Variants in PLXNA2 observed in about 807,000 individuals in gnomAD.
The protein encoded by PLXNA2 is plexin-A2.
In PLXNA2, 91 loss-of-function variants were observed where a neutral mutation model predicts 193.5. The observed-to-expected ratio is 0.47, with a 90% CI of 0.40 to 0.56. The LOEUF (loss-of-function observed/expected upper bound fraction) is 0.56, where lower values mean the gene tolerates loss of function less well. PLXNA2 is among the 20% of genes least tolerant of loss of function. The pLI, the probability that PLXNA2 is intolerant of heterozygous loss-of-function variation, is 0.00. For missense variants in PLXNA2, 1,995 were observed against 2,503.2 expected (o/e 0.80, Z 4.33); for synonymous variants, 997 against 1,027.3 (o/e 0.97, Z 0.56).
intron 3 of PLXNA2, among the ~76,000 whole-genome samples, chr1:208,159,573 A>C (rs1417826255): frequency 6.6e-6 from 1 of 152,218 alleles, no homozygotes; most frequent in Non-Finnish European, 1.5e-5. Flanking sequence ...CCAGCCATCC[A>C]AGGGGATTTA....
At chr1:208,144,689 C>T (rs1229349256) in intron 3 of PLXNA2, among the ~76,000 whole-genome samples, 1 of 152,140 alleles carries the variant, frequency 6.6e-6, no homozygotes, top group Non-Finnish European at 1.5e-5. Context: ...CTCTTCTCAC[C>T]CATTCCTGTG....
At chr1:208,084,673 G>T (rs1274033146) in intron 9 of PLXNA2, 93 bp from the exon 10 acceptor site, 9 of 1,219,604 alleles carry the variant, frequency 7.4e-6, no homozygotes, top group Non-Finnish European at 1.1e-5. Flanking sequence ...CAGGTGAGCT[G>T]CCCAAGAGCA....
intron 12 of PLXNA2, among the ~76,000 whole-genome samples, chr1:208,067,922 A>G (rs186804161): frequency 4.2e-4 from 64 of 152,262 alleles, no homozygotes; most frequent in Non-Finnish European, 7.8e-4. Context: ...GTGCTGGTCA[A>G]GCATGTCCAC....
At chr1:208,043,249 G>C in intron 20 of PLXNA2, 46 bp from the exon 21 acceptor site, 1 of 1,595,574 alleles carries the variant, frequency 6.3e-7, no homozygotes, top group Non-Finnish European at 8.6e-7. Context: ...AGCCCCAGTC[G>C]GGGGAGGAGA....
Position 208,039,718 on chromosome 1 carries a change from T to A in PLXNA2, c.4403A>T (p.Gln1468Leu), listed in dbSNP as rs1407954368. The change falls in exon 24 of 32, where the codon CAG (glutamine) becomes CTG (leucine). Residue 1468 changes from glutamine to leucine, a missense_variant. Coordinates refer to ENST00000367033, the MANE Select transcript of PLXNA2 (RefSeq NM_025179.4). Reference sequence around the variant, plus strand: ...GGCATCAATGGGGCCCTTCTCCATCTGCTGCTTGATGGCACAGTATAGCAT... The same window carrying A: ...GGCATCAATGGGGCCCTTCTCCATCAGCTGCTTGATGGCACAGTATAGCAT... ...LFMLYCAIKQQMEKGPIDAIT... is the reference protein window; with the variant it reads ...LFMLYCAIKQLMEKGPIDAIT... The A allele has an allele frequency of 6.2e-7, 1 of 1,614,222 alleles. No individual in the cohort carries two copies. Among genetic ancestry groups the A allele is most frequent in the South Asian group, 1.1e-5 (1 of 91,088 alleles).
chr1:208,201,800 A>T (rs1271289572), intron 3 of PLXNA2, among the ~76,000 whole-genome samples: 1 of 152,168 alleles, frequency 6.6e-6, no homozygotes, highest in African/African-American at 2.4e-5. Context: ...AGTAATATTT[A>T]AATGCACATA....
intron 12 of PLXNA2, among the ~76,000 whole-genome samples, chr1:208,072,993 G>A (rs751475910): frequency 1.3e-5 from 2 of 152,200 alleles, no homozygotes; most frequent in African/African-American, 2.4e-5. Context: ...GTGTGGTGGA[G>A]GAAGTCGGCC....
intron 28 of PLXNA2, 82 bp downstream of exon 28, chr1:208,033,237 C>G: frequency 7.6e-7 from 1 of 1,318,510 alleles, no homozygotes; most frequent in Non-Finnish European, 1.1e-6. Context: ...AGGACACACT[C>G]CAGACATCCT....
At chr1:208,069,142 G>A (rs1315032746) in intron 12 of PLXNA2, among the ~76,000 whole-genome samples, 1 of 152,198 alleles carries the variant, frequency 6.6e-6, no homozygotes, top group Non-Finnish European at 1.5e-5. Context: ...GACTAGGTCA[G>A]CAGGATGTGG....
At position 208,038,775 on chromosome 1, in the gene PLXNA2, T is replaced by G. The variant is rs1302267430; in HGVS notation, c.4660+50A>C. 6.3e-7 allele frequency: 1 copy of G among 1,579,722 alleles called. No individual in the cohort carries two copies. Among genetic ancestry groups the G allele is most frequent in the South Asian group, 1.2e-5 (1 of 86,908 alleles). The stretch of plus-strand genomic sequence containing the variant: ...GGGTTGTGTGCATGGCAGCTTCCCT[T>G]CCTTCACCTCTCAACCCCTGCCCTC... On this transcript the variant is annotated intron_variant, in intron 25 of 31. Transcript: ENST00000367033. The surrounding 1 kb of genome is among the most constrained non-coding windows in gnomAD (Gnocchi z 4.1).
intron 1 of PLXNA2, among the ~76,000 whole-genome samples, chr1:208,234,245 C>T (rs1671780991): frequency 6.6e-6 from 1 of 152,138 alleles, no homozygotes; most frequent in Non-Finnish European, 1.5e-5. Flanking sequence ...GGTTTCACAT[C>T]CACTGTGTGG....
chr1:208,105,867 T>G (rs2102422416), intron 4 of PLXNA2, among the ~76,000 whole-genome samples: 1 of 152,250 alleles, frequency 6.6e-6, no homozygotes, highest in Non-Finnish European at 1.5e-5. Flanking sequence ...TTAAAACAAC[T>G]GTCTGCATTG....
intron 13 of PLXNA2, among the ~76,000 whole-genome samples, chr1:208,055,109 G>A (rs749756477): frequency 2.6e-5 from 4 of 152,140 alleles, no homozygotes; most frequent in Non-Finnish European, 5.9e-5. Flanking sequence ...GAGTCCTGCC[G>A]CAGTAGGCAA....
rs190079907 is a variant in PLXNA2 at position 208,107,594 on chromosome 1, T to C, written c.1507-4347A>G. Among the ~76,000 whole-genome samples, 44 of 152,290 alleles carry C rather than the reference T, an allele frequency of 2.9e-4. 1 individual carries two copies. Among genetic ancestry groups the C allele is most frequent in the African/African-American group, 9.9e-4 (41 of 41,580 alleles). On this transcript the variant is annotated intron_variant, in intron 4 of 31. Coordinates refer to ENST00000367033, the MANE Select transcript of PLXNA2 (RefSeq NM_025179.4). Reference sequence around the variant, plus strand: ...TGGGTCGGGTGGGGAGGGAGATGTCTTCAGAAACTCAAGAAGGAAAGGGAG... The same window carrying C: ...TGGGTCGGGTGGGGAGGGAGATGTCCTCAGAAACTCAAGAAGGAAAGGGAG...
At chr1:208,164,073 C>T (rs868740080) in intron 3 of PLXNA2, among the ~76,000 whole-genome samples, 9 of 152,204 alleles carry the variant, frequency 5.9e-5, no homozygotes, top group South Asian at 4.1e-4. Context: ...ACAGTGTTGC[C>T]GCATGGCAAT....
At chr1:208,083,543 A>G (rs1189093085) in intron 10 of PLXNA2, among the ~76,000 whole-genome samples, 1 of 151,678 alleles carries the variant, frequency 6.6e-6, no homozygotes, top group Non-Finnish European at 1.5e-5. Context: ...AATTCTATCT[A>G]TCAAGCGCCT....
chr1:208,054,671 C>A, intron 13 of PLXNA2, 133 bp from the exon 14 acceptor site: 2 of 678,588 alleles, frequency 2.9e-6, no homozygotes, highest in Admixed American at 2.1e-5. Flanking sequence ...GCTTGGTCAT[C>A]CATCTTGCTG....
At chr1:208,110,044 A>G (rs550609912) in intron 4 of PLXNA2, among the ~76,000 whole-genome samples, 3 of 152,330 alleles carry the variant, frequency 2.0e-5, no homozygotes, top group East Asian at 1.9e-4. Context: ...CTGGCAGCCT[A>G]GTGTACTATG....
At chr1:208,168,106 T>C (rs1669366407) in intron 3 of PLXNA2, among the ~76,000 whole-genome samples, 2 of 152,222 alleles carry the variant, frequency 1.3e-5, no homozygotes, top group South Asian at 2.1e-4. Flanking sequence ...CGCAAGCTTC[T>C]AGGGCTTTCA....
Sources: gnomAD v4.1 joint callset for allele counts (sites outside exome capture counted in the v4.1 genomes callset) on GRCh38, gnomAD v4.1.1 for gene constraint, Gnocchi (gnomAD v3.1) non-coding constraint, MANE v1.5 for transcripts, NCBI Gene and HGNC (gene_info 2026-07-23, HGNC 2026-07-21) for gene names.